The following F2RL2 variants were observed in gnomAD, a reference collection of about 807,000 sequenced individuals.
F2RL2 encodes proteinase-activated receptor 3.
A neutral mutation model predicts 4.3 loss-of-function variants in F2RL2; 4 were observed. The observed-to-expected ratio is 0.93, with a 90% CI of 0.46 to 2.12. F2RL2 has a LOEUF of 2.12. Among genes scored for constraint, F2RL2 ranks in the 30% most tolerant of loss-of-function variants. F2RL2 has a pLI of 0.02. For missense variants in F2RL2, 408 were observed against 449.3 expected (o/e 0.91, Z 0.83); for synonymous variants, 166 against 170.9 (o/e 0.97, Z 0.22).
chr5:76,623,131 C>T, intron 1 of F2RL2, 36 bp downstream of exon 1: 2 of 1,603,562 alleles, frequency 1.2e-6, no homozygotes, highest in East Asian at 4.5e-5. Flanking sequence ...AACAGAAACC[C>T]ACATCCCCAT....
Position 76,621,874 on chromosome 5 carries a change from A to C in F2RL2, c.64+1293T>G, listed in dbSNP as rs144792318. Among the ~76,000 whole-genome samples, 410 of 152,318 alleles carry C rather than the reference A, an allele frequency of 2.7e-3. 3 individuals are homozygous for C. The highest frequency in any genetic ancestry group is 4.4e-3 in the Non-Finnish European group (302 of 68,018). ...ATCCGGGAAAAGGCCTTGAAGAACT[A>C]ATCCAAAGAGAATGAACTCCGGCCT... On this transcript the variant is annotated intron_variant, in intron 1 of 1. Coordinates refer to ENST00000296641, the MANE Select transcript of F2RL2 (RefSeq NM_004101.4).
In F2RL2 at chr5:76,617,751, A is replaced by C; in HGVS notation, c.956T>G (p.Ile319Ser). ...IFTICFAPSN[I>S]ILIIHHANYY... ...GTTAGCATGGTGAATAATAAGAATAATATTGCTTGGAGCAAAGCAAATGGT... is the reference window on the plus strand; with the variant it reads ...GTTAGCATGGTGAATAATAAGAATACTATTGCTTGGAGCAAAGCAAATGGT... The change falls in exon 2 of 2, where the codon ATT becomes AGT. Residue 319 changes from isoleucine to serine, a missense_variant. Ile to Ser is a moderately radical substitution (Grantham distance 142). Coordinates refer to ENST00000296641, the MANE Select transcript of F2RL2 (RefSeq NM_004101.4). 6.2e-7 allele frequency: 1 copy of C among 1,613,938 alleles called. No homozygotes were observed. Among genetic ancestry groups the C allele is most frequent in the South Asian group, 1.1e-5 (1 of 91,064 alleles).
At position 76,617,425 on chromosome 5, in the gene F2RL2, A is replaced by G. The variant is rs1687151617; in HGVS notation, c.*157T>C. ...GGTGATAAAGTGAGACTCAGTCTCA[A>G]AAACAAACAAACAAACTACTAATGC... On this transcript the variant is annotated 3_prime_UTR_variant, in exon 2 of 2. Transcript: ENST00000296641. 1.6e-6 allele frequency: 1 copy of G among 628,710 alleles called. No homozygotes were observed. The highest frequency in any genetic ancestry group is 1.8e-5 in the African/African-American group (1 of 54,542). 38.9% of individuals were successfully genotyped at this position (628,710 alleles called of 1,614,324 possible).
Position 76,616,243 on chromosome 5 carries a change from T to C in F2RL2, c.*1339A>G, listed in dbSNP as rs142445825. 6.6e-6 allele frequency: 1 copy of C among 152,376 alleles called. No homozygotes were observed. The highest frequency in any genetic ancestry group is 1.5e-5 in the Non-Finnish European group (1 of 68,032). 9.4% of individuals were successfully genotyped at this position (152,376 alleles called of 1,614,324 possible). Reference sequence around the variant, plus strand: ...TTCTAGCCTGAGAATCAGGGAAGAATGGTCCTTCAAGGACTTGAAAAAATG... The same window carrying C: ...TTCTAGCCTGAGAATCAGGGAAGAACGGTCCTTCAAGGACTTGAAAAAATG... On this transcript the variant is annotated 3_prime_UTR_variant, in exon 2 of 2. Coordinates refer to ENST00000296641, the MANE Select transcript of F2RL2 (RefSeq NM_004101.4).
At chr5:76,621,890 A>ACT (rs939776219) in intron 1 of F2RL2, among the ~76,000 whole-genome samples, 9 of 151,950 alleles carry the variant, frequency 5.9e-5, no homozygotes, top group Admixed American at 4.6e-4. Context: ...AAGAGAATGA[A>ACT]CTCCGGCCTC....
chr5:76,615,595 T>C lies in F2RL2; in HGVS notation c.*1987A>G, dbSNP rs1390680009. The C allele has an allele frequency of 6.6e-6, 1 of 152,244 alleles. No homozygotes were observed. The highest frequency in any genetic ancestry group is 1.5e-5 in the Non-Finnish European group (1 of 68,044). The allele number at this position is 152,244 out of a possible 1,614,324, so 9.4% of individuals were successfully genotyped here. ...GGAATCTTTTATGCTTAAAGTTTCC[T>C]CAGCCCCATTTATATTCACTACTAT... On this transcript the variant is annotated 3_prime_UTR_variant, in exon 2 of 2. Transcript: ENST00000296641.
chr5:76,618,299 G>A lies in F2RL2; in HGVS notation c.408C>T (p.Ala136=), dbSNP rs777478016. 2 of 1,614,208 alleles carry A rather than the reference G, an allele frequency of 1.2e-6. No homozygotes were observed. Among genetic ancestry groups the A allele is most frequent in the East Asian group, 4.5e-5 (2 of 44,892 alleles). ...TAACACAAAAAAGAAAATCTGCAAT[G>A]GCCAGGTTGGTGTAGAATACAGTGG... ...ICTTVFYTNL[A]IADFLFCVTL... is the part of the protein sequence containing the mutation. Residue 136 remains alanine (A), a synonymous_variant, in exon 2 of 2, where the codon GCC becomes GCT. Transcript: ENST00000296641.
rs1749273892 is a variant in F2RL2, at chr5:76,618,659, G to A, written c.65-17C>T. ...TTTCCATGCCTGTAATTGAAAGAAA[G>A]TATTAACATAAATGTATAGTTCAAG... is the stretch of plus-strand genomic sequence containing the variant. On this transcript the variant is annotated splice_polypyrimidine_tract_variant and intron_variant, in intron 1 of 1. Transcript: ENST00000296641. 1 of 1,578,092 alleles carries A rather than the reference G, an allele frequency of 6.3e-7. No homozygotes were observed.
rs1413932615 is a variant in F2RL2 at position 76,617,425 on chromosome 5, AAAAC to A, written c.*153_*156del. ...GGTGATAAAGTGAGACTCAGTCTCA[AAAAC>A]AAACAAACAAACTACTAATGCTTTT... On this transcript the variant is annotated 3_prime_UTR_variant, in exon 2 of 2. Coordinates refer to ENST00000296641, the MANE Select transcript of F2RL2 (RefSeq NM_004101.4). 75 of 628,828 alleles carry A rather than the reference AAAAC, an allele frequency of 1.2e-4. No homozygotes were observed. In the South Asian group the frequency reaches 1.2e-3, roughly 10 times the overall value. 39.0% of individuals were successfully genotyped at this position (628,828 alleles called of 1,614,324 possible).
Position 76,616,414 on chromosome 5 carries a change from G to T in F2RL2, c.*1168C>A, listed in dbSNP as rs935067206. ...TTAGCAAGTTAGCCTTGAATGCCAG[G>T]CTAAAGATTTATGATTTATTATAGA... is the stretch of plus-strand genomic sequence containing the variant. On this transcript the variant is annotated 3_prime_UTR_variant, in exon 2 of 2. Transcript: ENST00000296641. 6.6e-6 allele frequency: 1 copy of T among 152,608 alleles called. No individual in the cohort carries two copies. Among genetic ancestry groups the T allele is most frequent in the Admixed American group, 6.5e-5 (1 of 15,270 alleles). The allele number at this position is 152,608 out of a possible 1,614,324, so 9.5% of individuals were successfully genotyped here.
rs544671811 is a variant in F2RL2 at position 76,622,625 on chromosome 5, T to C, written c.64+542A>G. ...GTTGAATAATAGTATTTGGGAGACC[T>C]TATTTTTAAAATTAAAAAATCATAT... On this transcript the variant is annotated intron_variant, in intron 1 of 1. Coordinates refer to ENST00000296641, the MANE Select transcript of F2RL2 (RefSeq NM_004101.4). Among the ~76,000 whole-genome samples the C allele has an allele frequency of 2.0e-5, 3 of 152,324 alleles. No homozygotes were observed. The East Asian group carries it at 5.8e-4, about 29-fold the overall frequency.
In F2RL2 at chr5:76,618,816, AGAAC is replaced by A. The variant is rs560358747; in HGVS notation, c.65-178_65-175del. Reference sequence around the variant, plus strand: ...ATATTTAATACATATCATATGCCCCAGAACAACACTATCTTGTGCGGAAACAAAA... The same window carrying A: ...ATATTTAATACATATCATATGCCCCAAACACTATCTTGTGCGGAAACAAAA... On this transcript the variant is annotated intron_variant, in intron 1 of 1. Coordinates refer to ENST00000296641, the MANE Select transcript of F2RL2 (RefSeq NM_004101.4). 7.2e-5 allele frequency among the ~76,000 whole-genome samples: 11 copies of A among 152,364 alleles called. 1 individual carries two copies. Among genetic ancestry groups the A allele is most frequent in the African/African-American group, 1.2e-4 (5 of 41,582 alleles).
At chr5:76,620,346 T>C (rs539456985) in intron 1 of F2RL2, among the ~76,000 whole-genome samples, 129 of 140,086 alleles carry the variant, frequency 9.2e-4, no homozygotes, top group Non-Finnish European at 1.9e-3. Context: ...GAGACTCTGA[T>C]GGCGGCTTAA....
rs765690071 is a variant in F2RL2 at position 76,617,836 on chromosome 5, C to A, written c.871G>T (p.Ala291Ser). ...CYAAIIRTLNAYDHRWLWYVK... is the reference protein window; with the variant it reads ...CYAAIIRTLNSYDHRWLWYVK... ...TACCACAACCATCTATGATCGTATG[C>A]ATTAAGTGTCCGGATGATGGCTGCA... The change falls in exon 2 of 2, where the codon GCA becomes TCA. Residue 291 changes from alanine to serine, a missense_variant. Physicochemically the swap from Ala to Ser is moderately conservative, Grantham distance 99. Transcript: ENST00000296641. 4 of 1,613,822 alleles carry A rather than the reference C, an allele frequency of 2.5e-6. No homozygotes were observed. In the African/African-American group the frequency reaches 5.3e-5, roughly 22 times the overall value.
chr5:76,622,643 A>C (rs1189755116), intron 1 of F2RL2, among the ~76,000 whole-genome samples: 2 of 152,232 alleles, frequency 1.3e-5, no homozygotes, highest in Non-Finnish European at 2.9e-5. Context: ...AAAATTAAAA[A>C]ATCATATATG....
At position 76,623,336 on chromosome 5, in the gene F2RL2, T is replaced by C. The variant is rs2069648; in HGVS notation, c.-106A>G. On this transcript the variant is annotated 5_prime_UTR_variant, in exon 1 of 2. Coordinates refer to ENST00000296641, the MANE Select transcript of F2RL2 (RefSeq NM_004101.4). ...TCAGCAGCAAATGGAAGCCTTGGTC[T>C]GTCTGTAGAAGTTTGCTCTCCTGTG... The C allele has an allele frequency of 2.1e-3, 2,875 of 1,387,398 alleles. 52 individuals are homozygous for C. The African/African-American group carries it at 0.037, about 18-fold the overall frequency. The allele number at this position is 1,387,398 out of a possible 1,614,324, so 85.9% of individuals were successfully genotyped here.
At position 76,617,332 on chromosome 5, in the gene F2RL2, A is replaced by C; in HGVS notation, c.*250T>G. 1 of 368,174 alleles carries C rather than the reference A, an allele frequency of 2.7e-6. No homozygotes were observed. The highest frequency in any genetic ancestry group is 4.9e-6 in the Non-Finnish European group (1 of 202,576). 22.8% of individuals were successfully genotyped at this position (368,174 alleles called of 1,614,324 possible). On this transcript the variant is annotated 3_prime_UTR_variant, in exon 2 of 2. Coordinates refer to ENST00000296641, the MANE Select transcript of F2RL2 (RefSeq NM_004101.4). ...TGGGCATGGTGGTGTAATCCCAGCT[A>C]CTTGGGAGGCTGACCTGGGAGGCAG...
rs1311274480 is a variant in F2RL2 at position 76,616,326 on chromosome 5, TATAGC to T, written c.*1251_*1255del. ...TTTTCAGTCTGAGGCAGAGTGGAGA[TATAGC>T]AGAGCAAGAGGTTTGGTTGGTGCCT... On this transcript the variant is annotated 3_prime_UTR_variant, in exon 2 of 2. Transcript: ENST00000296641. 1 of 152,480 alleles carries T rather than the reference TATAGC, an allele frequency of 6.6e-6. No individual in the cohort carries two copies. Among genetic ancestry groups the T allele is most frequent in the Non-Finnish European group, 1.5e-5 (1 of 68,036 alleles). 9.4% of individuals were successfully genotyped at this position (152,480 alleles called of 1,614,324 possible).
chr5:76,622,666 ACTC>A (rs923588430), intron 1 of F2RL2, among the ~76,000 whole-genome samples: 3 of 152,076 alleles, frequency 2.0e-5, no homozygotes, highest in African/African-American at 7.2e-5. Flanking sequence ...GGTAGGGAGA[ACTC>A]CCCACTTAAA....
Sources: gnomAD v4.1 joint callset for allele counts (sites outside exome capture counted in the v4.1 genomes callset) on GRCh38, gnomAD v4.1.1 for gene constraint, MANE v1.5 for transcripts, NCBI Gene and HGNC (gene_info 2026-07-23, HGNC 2026-07-21) for gene names.